Variants in GABRQ observed in about 807,000 individuals in gnomAD.
The protein encoded by GABRQ is gamma-aminobutyric acid receptor subunit theta.
In GABRQ, 19 loss-of-function variants were observed where a neutral mutation model predicts 30.5. The observed-to-expected ratio is 0.62, with a 90% CI of 0.43 to 0.91. The LOEUF is 0.91. Ranked by LOEUF, GABRQ falls within the 40% of genes least tolerant of loss-of-function variation. The pLI, the probability that GABRQ is intolerant of heterozygous loss-of-function variation, is 0.00. For missense variants in GABRQ, 520 were observed against 521.4 expected (o/e 1.00, Z 0.03); for synonymous variants, 187 against 210.2 (o/e 0.89, Z 0.95).
intron 8 of GABRQ, among the ~76,000 whole-genome samples, 173 bp from the exon 9 acceptor site, chrX:152,652,368 T>A (rs1556820388): frequency 8.9e-6 from 1 of 112,788 alleles, no homozygotes; most frequent in Non-Finnish European, 1.9e-5. Context: ...CGATTGGTCC[T>A]GTTCCTCACC....
In GABRQ at chrX:152,651,700, G is replaced by A. The variant is rs782057587; in HGVS notation, c.1076G>A (p.Arg359Gln). The A allele has an allele frequency of 3.0e-5, 36 of 1,208,300 alleles. No homozygotes were observed. In the East Asian group the frequency reaches 5.9e-4, roughly 20 times the overall value. ...INYLFYSRGP[R>Q]RQPRRHRRPR... ...TATCTTTTCTACAGTCGAGGACCTC[G>A]GCGCCAGCCTAGGCGACACAGGAGA... The change falls in exon 8 of 9, where the codon CGG becomes CAG. Residue 359 changes from arginine to glutamine, a missense_variant. Transcript: ENST00000598523.
chrX:152,645,619 G>A, intron 3 of GABRQ, 25 bp downstream of exon 3: 1 of 922,913 alleles, frequency 1.1e-6, no homozygotes, highest in Non-Finnish European at 1.6e-6. Flanking sequence ...TCCAGCCATG[G>A]GGTTGGGAAC....
chrX:152,648,320 A>G (rs1282159883), intron 4 of GABRQ, among the ~76,000 whole-genome samples: 1 of 109,148 alleles, frequency 9.2e-6, no homozygotes, highest in African/African-American at 3.3e-5. Context: ...CCACTTTCTC[A>G]GCACCTCTGA....
At chrX:152,648,451 G>A (rs1334140456) in intron 4 of GABRQ, among the ~76,000 whole-genome samples, 5 of 107,758 alleles carry the variant, frequency 4.6e-5, no homozygotes, top group Admixed American at 3.0e-4. Context: ...TGCAACCTCC[G>A]CCTCCCGGGT....
rs151020547 is a variant in GABRQ at position 152,638,910 on chromosome X, G to A, written c.149+559G>A. Among the ~76,000 whole-genome samples, 725 of 111,838 alleles carry A rather than the reference G, an allele frequency of 6.5e-3. 4 individuals carry two copies. The highest frequency in any genetic ancestry group is 0.022 in the African/African-American group (671 of 30,700). On this transcript the variant is annotated intron_variant, in intron 1 of 8. Coordinates refer to ENST00000598523, the MANE Select transcript of GABRQ (RefSeq NM_018558.4). ...AAACCCATCGGAGCCCAGACAGTGC[G>A]ATCGTGTCTGAATAAACACGAACCG...
intron 3 of GABRQ, 94 bp downstream of exon 3, chrX:152,645,688 C>T (rs1263616850): frequency 1.8e-6 from 1 of 560,249 alleles, no homozygotes; most frequent in East Asian, 3.4e-5. Context: ...TGACCTGTGA[C>T]AGAACTCACA....
At chrX:152,642,053 C>G (rs1930771547) in intron 2 of GABRQ, among the ~76,000 whole-genome samples, 1 of 111,573 alleles carries the variant, frequency 9.0e-6, no homozygotes, top group Admixed American at 9.5e-5. Flanking sequence ...TGTGGACGTG[C>G]ACACCTGCAG....
chrX:152,648,350 C>CT (rs1221427376), intron 4 of GABRQ, among the ~76,000 whole-genome samples: 7 of 104,910 alleles, frequency 6.7e-5, no homozygotes, highest in African/African-American at 1.4e-4. Context: ...GATTCTTCTT[C>CT]TTTTTTTTAT....
rs781924797 is a variant in GABRQ at position 152,653,170 on chromosome X, C to G, written c.1788C>G (p.Phe596Leu). The change falls in exon 9 of 9, where the codon TTC becomes TTG. Residue 596 changes from phenylalanine to leucine, a missense_variant. Physicochemically the swap from Phe to Leu is conservative, Grantham distance 22. Transcript: ENST00000598523. Reference protein sequence around the residue: ...PGCSFTEGFSFDLFNPDYVPK... With the variant: ...PGCSFTEGFSLDLFNPDYVPK... The stretch of plus-strand genomic sequence containing the variant: ...GCTCCTTCACTGAAGGGTTCTCCTT[C>G]GATCTCTTTAATCCTGACTACGTCC... 8.3e-7 allele frequency: 1 copy of G among 1,210,441 alleles called. No homozygotes were observed. The highest frequency in any genetic ancestry group is 1.8e-5 in the South Asian group (1 of 56,944).
chrX:152,642,010 G>T (rs1441856865), intron 2 of GABRQ, among the ~76,000 whole-genome samples: 3 of 111,767 alleles, frequency 2.7e-5, no homozygotes, highest in African/African-American at 9.8e-5. Context: ...GCAGGGGCAA[G>T]AATCAATCTC....
chrX:152,652,895 A>C lies in GABRQ; in HGVS notation c.1513A>C (p.Ser505Arg), dbSNP rs1556820549. 8.3e-6 allele frequency: 10 copies of C among 1,211,790 alleles called. No homozygotes were observed. In the South Asian group the frequency reaches 1.6e-4, roughly 19 times the overall value. The change falls in exon 9 of 9, where the codon AGC becomes CGC. Residue 505 changes from serine to arginine, a missense_variant. Ser to Arg is a moderately radical substitution (Grantham distance 110, BLOSUM62 -1). Transcript: ENST00000598523. ...CCATGAAGATTCCAATGAGAGCTTG[A>C]GCTCGGATGAGCGCCATGGCCATGG... is the stretch of plus-strand genomic sequence containing the variant. The part of the protein sequence containing the change: ...HDHEDSNESL[S>R]SDERHGHGPS...
intron 5 of GABRQ, 95 bp from the exon 6 acceptor site, chrX:152,649,647 G>A: frequency 4.3e-6 from 3 of 694,460 alleles, no homozygotes; most frequent in Non-Finnish European, 6.7e-6. Context: ...GGGAAAGTGT[G>A]TGCAAGTTAG....
rs782349764 is a variant in GABRQ, at chrX:152,652,849, T to C, written c.1467T>C (p.His489=). Residue 489 remains histidine, a synonymous_variant, in exon 9 of 9, where the codon CAT becomes CAC. Transcript: ENST00000598523. Reference sequence around the variant, plus strand: ...AAATCCGCAACCGTGTCGAAGCCCATGGCCATGGTGTTACCCATGACCATG... The same window carrying C: ...AAATCCGCAACCGTGTCGAAGCCCACGGCCATGGTGTTACCCATGACCATG... ...PTEIRNRVEA[H]GHGVTHDHED... 34 of 1,210,479 alleles carry C rather than the reference T, an allele frequency of 2.8e-5. No homozygotes were observed. The South Asian group carries it at 5.8e-4, about 21-fold the overall frequency.
rs782604886 is a variant in GABRQ, at chrX:152,652,924, C to T, written c.1542C>T (p.Pro514=). The T allele has an allele frequency of 8.3e-7, 1 of 1,211,258 alleles. No individual in the cohort carries two copies. The highest frequency in any genetic ancestry group is 1.1e-6 in the Non-Finnish European group (1 of 894,701). ...CGGATGAGCGCCATGGCCATGGCCC[C>T]AGTGGGAAGCCCATGCTTCACCATG... The part of the protein sequence containing the change: ...LSSDERHGHG[P]SGKPMLHHGE... The change falls in exon 9 of 9, where the codon CCC becomes CCT. Residue 514 remains proline (P), a synonymous_variant. Coordinates refer to ENST00000598523, the MANE Select transcript of GABRQ (RefSeq NM_018558.4).
At chrX:152,647,483 G>A (rs938516544) in intron 4 of GABRQ, among the ~76,000 whole-genome samples, 1 of 111,729 alleles carries the variant, frequency 9.0e-6, no homozygotes, top group South Asian at 3.8e-4. Context: ...CCTTGGTCAG[G>A]AAGTCCTCCT....
At position 152,639,380 on chromosome X, in the gene GABRQ, A is replaced by G. The variant is rs28398207; in HGVS notation, c.150-998A>G. Among the ~76,000 whole-genome samples, 194 of 84,468 alleles carry G rather than the reference A, an allele frequency of 2.3e-3. 1 individual carries two copies. The highest frequency in any genetic ancestry group is 4.5e-3 in the Admixed American group (40 of 8,962). 73.4% of individuals were successfully genotyped at this position (84,468 alleles called of 115,157 possible). On this transcript the variant is annotated intron_variant, in intron 1 of 8. Transcript: ENST00000598523. ...TGAACATGCACACATGCGCGTGCGC[A>G]CACACACACACACACACACACACAA...
chrX:152,642,003 G>A (rs1930769660), intron 2 of GABRQ, among the ~76,000 whole-genome samples: 1 of 111,772 alleles, frequency 8.9e-6, no homozygotes, highest in South Asian at 3.8e-4. Flanking sequence ...GGAGGGAGCA[G>A]GGGCAAGAAT....
intron 4 of GABRQ, among the ~76,000 whole-genome samples, chrX:152,648,025 T>A (rs1930929329): frequency 8.9e-6 from 1 of 111,836 alleles, no homozygotes; most frequent in African/African-American, 3.3e-5. Flanking sequence ...ATAACAAGAC[T>A]CACAGGGAAC....
chrX:152,645,702 A>G, intron 3 of GABRQ, 108 bp downstream of exon 3: 1 of 529,378 alleles, frequency 1.9e-6, no homozygotes, highest in Non-Finnish European at 3.3e-6. Flanking sequence ...ACTCACATAA[A>G]GGAACAAGGT....
Sources: allele counts gnomAD v4.1 joint callset (sites outside exome capture counted in the v4.1 genomes callset), GRCh38; gene constraint gnomAD v4.1.1; transcripts MANE v1.5; gene names NCBI Gene and HGNC (gene_info 2026-07-23, HGNC 2026-07-21).